Variants in RAG1 observed in about 807,000 individuals in gnomAD.
The protein encoded by RAG1 is recombination activating 1, also known as V(D)J recombination-activating protein 1.
In RAG1, 35 loss-of-function variants were observed where a neutral mutation model predicts 62.7. The observed-to-expected ratio is 0.56, with a 90% CI of 0.43 to 0.74. The LOEUF (loss-of-function observed/expected upper bound fraction) is 0.74, where lower values mean the gene tolerates loss of function less well. Ranked by LOEUF, RAG1 falls within the 30% of genes least tolerant of loss-of-function variation. RAG1 has a pLI of 0.00. For synonymous variants in RAG1, 461 were observed against 470.3 expected (o/e 0.98, Z 0.26); for missense variants, 1,169 against 1,278.6 (o/e 0.91, Z 1.31).
chr11:36,517,237 A>G (rs1220365171), intron 1 of RAG1, among the ~76,000 whole-genome samples: 1 of 152,248 alleles, frequency 6.6e-6, no homozygotes, highest in African/African-American at 2.4e-5. Flanking sequence ...TTTATGCAAC[A>G]GTATTATTTT....
At chr11:36,557,432 G>T (rs910127457) in intron 3 of RAG1, among the ~76,000 whole-genome samples, 1 of 143,726 alleles carries the variant, frequency 7.0e-6, no homozygotes, top group Non-Finnish European at 1.5e-5. Context: ...GACCCCTTGC[G>T]CTTCCCAGGT....
At chr11:36,522,190 C>T (rs751453135) in intron 2 of RAG1, among the ~76,000 whole-genome samples, 4 of 152,154 alleles carry the variant, frequency 2.6e-5, no homozygotes, top group African/African-American at 7.2e-5. Context: ...ATGTCAGAGG[C>T]CTTCGCAGCA....
At chr11:36,522,088 G>A (rs1244101360) in intron 2 of RAG1, among the ~76,000 whole-genome samples, 1 of 152,164 alleles carries the variant, frequency 6.6e-6, no homozygotes, top group South Asian at 2.1e-4. Flanking sequence ...CCCATTTTCT[G>A]AGGAGAAATT....
At position 36,573,339 on chromosome 11, in the gene RAG1, G is replaced by C; in HGVS notation, c.35G>C (p.Ser12Thr). The change falls in exon 2 of 2, where the codon AGT (serine) becomes ACT (threonine). Residue 12 changes from serine to threonine, a missense_variant. Physicochemically the swap from Ser to Thr is moderately conservative, Grantham distance 58 (BLOSUM62 1). Transcript: ENST00000299440. ...AASFPPTLGL[S>T]SAPDEIQHPH... Reference sequence around the variant, plus strand: ...TCTTTCCCACCCACCTTGGGACTCAGTTCTGCCCCAGATGAAATTCAGCAC... The same window carrying C: ...TCTTTCCCACCCACCTTGGGACTCACTTCTGCCCCAGATGAAATTCAGCAC... 1.9e-6 allele frequency: 3 copies of C among 1,614,150 alleles called. No homozygotes were observed. The highest frequency in any genetic ancestry group is 2.5e-6 in the Non-Finnish European group (3 of 1,180,026).
At chr11:36,534,463 A>G (rs939631890) in intron 2 of RAG1, among the ~76,000 whole-genome samples, 3 of 152,198 alleles carry the variant, frequency 2.0e-5, no homozygotes, top group Non-Finnish European at 4.4e-5. Flanking sequence ...TGGTCACATG[A>G]CTTGTTTTCC....
At chr11:36,535,730 G>A (rs1283951169) in intron 2 of RAG1, among the ~76,000 whole-genome samples, 5 of 152,004 alleles carry the variant, frequency 3.3e-5, no homozygotes, top group Admixed American at 1.3e-4. Flanking sequence ...GGGCAACAGA[G>A]CAAGACTCCC....
At position 36,573,437 on chromosome 11, in the gene RAG1, G is replaced by C; in HGVS notation, c.133G>C (p.Ala45Pro). The change falls in exon 2 of 2, where the codon GCT becomes CCT. Residue 45 changes from alanine to proline, a missense_variant. Ala to Pro is a conservative substitution (Grantham distance 27). Coordinates refer to ENST00000299440, the MANE Select transcript of RAG1 (RefSeq NM_000448.3). ...ATCCTTTGAAAAGACACCTGAAGAA[G>C]CTCAAAAGGAAAAGAAGGATTCCTT... Reference protein sequence around the residue: ...VRSFEKTPEEAQKEKKDSFEG... With the variant: ...VRSFEKTPEEPQKEKKDSFEG... The C allele has an allele frequency of 6.2e-7, 1 of 1,614,086 alleles. No individual in the cohort carries two copies. The highest frequency in any genetic ancestry group is 8.5e-7 in the Non-Finnish European group (1 of 1,180,032).
chr11:36,551,459 T>C (rs1850480709), intron 3 of RAG1, among the ~76,000 whole-genome samples: 1 of 152,066 alleles, frequency 6.6e-6, no homozygotes, highest in Admixed American at 6.6e-5. Flanking sequence ...GGTCTCTCCT[T>C]GGCTTGTAGA....
At chr11:36,542,609 C>T (rs1850323670) in intron 3 of RAG1, among the ~76,000 whole-genome samples, 1 of 152,174 alleles carries the variant, frequency 6.6e-6, no homozygotes, top group Admixed American at 6.5e-5. Context: ...TGACCAGCCA[C>T]TCCTTTGCTT....
Position 36,518,085 on chromosome 11 carries a change from A to G in RAG1, n.331-2047A>G, listed in dbSNP as rs368553939. 4.8e-5 allele frequency among the ~76,000 whole-genome samples: 7 copies of G among 146,898 alleles called. No individual in the cohort carries two copies. The South Asian group carries it at 1.3e-3, about 27-fold the overall frequency. On this transcript the variant is annotated intron_variant and non_coding_transcript_variant, in intron 1 of 2. Transcript: ENST00000529126. The stretch of plus-strand genomic sequence containing the variant: ...TTCCCACCTATGAGTGAGAACATAC[A>G]GTGTTTGGTTTTTTTGTCCTTGCGA...
At chr11:36,538,881 C>T (rs1860372003), downstream of RAG1, among the ~76,000 whole-genome samples, 1 of 152,208 alleles carries the variant, frequency 6.6e-6, no homozygotes, top group Non-Finnish European at 1.5e-5. Flanking sequence ...AAGCTGGAAC[C>T]TGTCCATGGG....
At chr11:36,518,959 A>G (rs1177625873) in intron 1 of RAG1, among the ~76,000 whole-genome samples, 1 of 152,174 alleles carries the variant, frequency 6.6e-6, no homozygotes, top group Non-Finnish European at 1.5e-5. Flanking sequence ...CTTTCTTATA[A>G]CCAAGTAATG....
At position 36,579,316 on chromosome 11, in the gene RAG1, G is replaced by A. The variant is rs1408084406; in HGVS notation, c.*2880G>A. Reference sequence around the variant, plus strand: ...AGGTGGTTTTTGATTGCAAATATGTGTGTGTCTTCAGTGATTGTATGACAG... The same window carrying A: ...AGGTGGTTTTTGATTGCAAATATGTATGTGTCTTCAGTGATTGTATGACAG... On this transcript the variant is annotated 3_prime_UTR_variant, in exon 2 of 2. Transcript: ENST00000299440. 3 of 167,052 alleles carry A rather than the reference G, an allele frequency of 1.8e-5. No homozygotes were observed. The highest frequency in any genetic ancestry group is 2.4e-5 in the African/African-American group (1 of 41,444). The allele number at this position is 167,052 out of a possible 1,614,324, so 10.3% of individuals were successfully genotyped here. A position where few individuals can be genotyped will look rare whatever the true frequency, so the allele number is the denominator to read the frequency against.
intron 3 of RAG1, among the ~76,000 whole-genome samples, chr11:36,559,878 T>G (rs536068220): frequency 6.6e-6 from 1 of 152,324 alleles, no homozygotes; most frequent in South Asian, 2.1e-4. Flanking sequence ...ATTTTCTTCT[T>G]TAGGGTCTGT....
At chr11:36,545,305 A>G (rs114118899) in intron 3 of RAG1, among the ~76,000 whole-genome samples, 481 of 152,308 alleles carry the variant, frequency 3.2e-3, no homozygotes, top group African/African-American at 0.01. Flanking sequence ...GTGTTTAAAG[A>G]TAGGATATAT....
At chr11:36,537,333 TAAG>T (rs910109702), downstream of RAG1, among the ~76,000 whole-genome samples, 1 of 152,108 alleles carries the variant, frequency 6.6e-6, no homozygotes, top group African/African-American at 2.4e-5. Flanking sequence ...TAAAAGAACA[TAAG>T]AAAATTTTCG....
intron 3 of RAG1, among the ~76,000 whole-genome samples, chr11:36,550,276 A>G (rs991603254): frequency 1.1e-4 from 17 of 152,262 alleles, no homozygotes; most frequent in Middle Eastern, 3.4e-3. Context: ...TAATAAAAAA[A>G]GGTTTTTGGT....
intron 1 of RAG1, among the ~76,000 whole-genome samples, chr11:36,512,800 GA>G (rs985420312): frequency 1.1e-4 from 17 of 152,088 alleles, no homozygotes; most frequent in African/African-American, 3.9e-4. Context: ...ACTTTTAATG[GA>G]AAAAATGCCA....
chr11:36,550,236 C>A (rs1489175714), intron 3 of RAG1, among the ~76,000 whole-genome samples: 1 of 152,046 alleles, frequency 6.6e-6, no homozygotes, highest in Non-Finnish European at 1.5e-5. Context: ...ATGTCCTGCA[C>A]ATGTATCCCA....
Sources: allele counts gnomAD v4.1 joint callset (sites outside exome capture counted in the v4.1 genomes callset), GRCh38; gene constraint gnomAD v4.1.1; transcripts MANE v1.5; gene names NCBI Gene and HGNC (gene_info 2026-07-23, HGNC 2026-07-21).